VAC14: variants seen among roughly 807,000 people sequenced by gnomAD.
VAC14 encodes VAC14 component of PIKFYVE complex.
Under a neutral mutation model 85.3 loss-of-function variants are expected in VAC14, and 47 were observed. The ratio of observed to expected loss-of-function variants is 0.55; its 90% CI spans 0.44 to 0.70. The LOEUF is 0.70. Ranked by LOEUF, VAC14 falls within the 30% of genes least tolerant of loss-of-function variation. The pLI, the probability that VAC14 is intolerant of heterozygous loss-of-function variation, is 0.00. For missense variants in VAC14, 861 were observed against 1,004.3 expected (o/e 0.86, Z 1.93); for synonymous variants, 447 against 430.5 (o/e 1.04, Z -0.47).
At chr16:70,773,746 C>T (rs2033367204) in intron 9 of VAC14, among the ~76,000 whole-genome samples, 1 of 151,702 alleles carries the variant, frequency 6.6e-6, no homozygotes, top group Non-Finnish European at 1.5e-5. Context: ...ATTGTACATA[C>T]CCATAGTTCA....
At chr16:70,743,004 TA>T (rs1410357765) in intron 13 of VAC14, among the ~76,000 whole-genome samples, 1 of 151,978 alleles carries the variant, frequency 6.6e-6, no homozygotes. Flanking sequence ...TAAAGGACTG[TA>T]AATGCACCAA....
At chr16:70,690,434 G>A (rs1490793488) in intron 18 of VAC14, 1 of 985,466 alleles carries the variant, frequency 1.0e-6, no homozygotes, top group African/African-American at 1.7e-5. Context: ...GCAAGTCCAG[G>A]ACTCAGGGCC....
intron 14 of VAC14, among the ~76,000 whole-genome samples, chr16:70,700,843 C>G (rs1257705935): frequency 6.6e-6 from 1 of 152,234 alleles, no homozygotes; most frequent in African/African-American, 2.4e-5. Context: ...CTGGTGCCGT[C>G]TCCATGACAG....
chr16:70,756,209 T>C, intron 12 of VAC14: 1 of 393,356 alleles, frequency 2.5e-6, no homozygotes, highest in Non-Finnish European at 5.1e-6. Context: ...ACCCCAGCTC[T>C]GCTCTGCTCT....
In VAC14 at chr16:70,759,156, C is replaced by T. The variant is rs556801176; in HGVS notation, c.1371+3384G>A. On this transcript the variant is annotated intron_variant, in intron 12 of 18. Coordinates refer to ENST00000261776, the MANE Select transcript of VAC14 (RefSeq NM_018052.5). ...CAACACCTGAGCACACTGTCCCCTG[C>T]GAGCAGTGGCTCTCAGCGAGAGGGA... Among the ~76,000 whole-genome samples, 9 of 152,326 alleles carry T rather than the reference C, an allele frequency of 5.9e-5. 1 individual carries two copies. The East Asian group carries it at 7.7e-4, about 13-fold the overall frequency.
At chr16:70,795,035 C>G (rs535407594) in intron 1 of VAC14, among the ~76,000 whole-genome samples, 3 of 152,226 alleles carry the variant, frequency 2.0e-5, no homozygotes. Context: ...CAGTCACATG[C>G]TGTGCAGGTT....
intron 9 of VAC14, 52 bp downstream of exon 9, chr16:70,780,738 G>T: frequency 6.6e-7 from 1 of 1,524,822 alleles, no homozygotes; most frequent in Middle Eastern, 1.8e-4. Context: ...TATGACATCT[G>T]GCTCCCTGGG....
intron 9 of VAC14, among the ~76,000 whole-genome samples, chr16:70,778,055 T>C (rs1343942278): frequency 6.6e-6 from 1 of 152,188 alleles, no homozygotes; most frequent in African/African-American, 2.4e-5. Context: ...TGGGAACTAG[T>C]ACAAAGTGAG....
chr16:70,722,867 C>T lies in VAC14; in HGVS notation c.1661+8628G>A, dbSNP rs771823862. On this transcript the variant is annotated intron_variant, in intron 14 of 18. Coordinates refer to ENST00000261776, the MANE Select transcript of VAC14 (RefSeq NM_018052.5). ...GGCCAAGACAGGAGGACGGTTTGAG[C>T]CCAGGAGTTCAAGACCAGCCTGGGC... 5.3e-5 allele frequency among the ~76,000 whole-genome samples: 8 copies of T among 152,020 alleles called. No homozygotes were observed. The South Asian group carries it at 1.5e-3, about 28-fold the overall frequency.
intron 10 of VAC14, chr16:70,769,261 A>C: frequency 6.2e-6 from 1 of 160,990 alleles, no homozygotes; most frequent in Non-Finnish European, 1.4e-5. Context: ...AGGAGTCTCC[A>C]GTCTGGCCAC....
intron 14 of VAC14, among the ~76,000 whole-genome samples, chr16:70,705,720 C>T (rs1158696149): frequency 1.3e-5 from 2 of 152,204 alleles, no homozygotes; most frequent in African/African-American, 4.8e-5. Flanking sequence ...CCCCGCAACG[C>T]TGCCCTCCCC....
chr16:70,778,718 A>G (rs955159166), intron 9 of VAC14: 15 of 152,238 alleles, frequency 9.9e-5, no homozygotes, highest in African/African-American at 3.4e-4. Flanking sequence ...AGCTGTGTTA[A>G]GTTCTATGAT....
chr16:70,783,490 C>A lies in VAC14; in HGVS notation c.659G>T (p.Gly220Val), dbSNP rs377303345. 2 of 1,613,980 alleles carry A rather than the reference C, an allele frequency of 1.2e-6. No homozygotes were observed. Among genetic ancestry groups the A allele is most frequent in the African/African-American group, 2.7e-5 (2 of 74,938 alleles). Residue 220 changes from glycine (G) to valine (V), a missense_variant, in exon 6 of 19, where the codon GGA (glycine) becomes GTA (valine). Physicochemically the swap from Gly to Val is moderately radical, Grantham distance 109 (BLOSUM62 -3). This residue lies in a region of VAC14 where 629 missense variants were observed against 703.1 expected (regional missense o/e 0.89). Transcript: ENST00000261776. ...LLDYLPEILD[G>V]LFQILGDNGK... ...ATTGTCACCCAGGATCTGGAAGAGT[C>A]CATCCAGGATCTCCGGCAGGTAATC...
At chr16:70,794,985 T>C (rs1334369031) in intron 1 of VAC14, among the ~76,000 whole-genome samples, 1 of 152,246 alleles carries the variant, frequency 6.6e-6, no homozygotes, top group East Asian at 1.9e-4. Flanking sequence ...TATATTGGGG[T>C]ACACACATAC....
At chr16:70,720,534 C>T (rs960298328) in intron 14 of VAC14, among the ~76,000 whole-genome samples, 4 of 152,144 alleles carry the variant, frequency 2.6e-5, no homozygotes, top group Non-Finnish European at 1.5e-5. Context: ...GGTGGAGCTT[C>T]CAAGGCACCT....
intron 15 of VAC14, 109 bp downstream of exon 15, chr16:70,698,528 C>T (rs1022951347): frequency 6.9e-5 from 94 of 1,368,648 alleles, no homozygotes; most frequent in East Asian, 9.4e-5. Flanking sequence ...ATTTCAACCC[C>T]GTCTTCTCCC....
chr16:70,741,208 G>A lies in VAC14; in HGVS notation c.1528+3215C>T, dbSNP rs191555596. On this transcript the variant is annotated intron_variant, in intron 13 of 18. Transcript: ENST00000261776. ...AACAGGAAGAGGGTATGGCTTCACA[G>A]CCTTGTCCATGTGCATGGCCAGATG... is the stretch of plus-strand genomic sequence containing the variant. Among the ~76,000 whole-genome samples the A allele has an allele frequency of 3.0e-3, 453 of 152,390 alleles. 3 individuals are homozygous for A. Among genetic ancestry groups the A allele is most frequent in the African/African-American group, 0.011 (441 of 41,596 alleles).
intron 13 of VAC14, among the ~76,000 whole-genome samples, chr16:70,737,778 C>T (rs981613937): frequency 1.3e-5 from 2 of 152,184 alleles, no homozygotes; most frequent in African/African-American, 2.4e-5. Context: ...GTGGTTATGA[C>T]GTGAAGAAAC....
In VAC14 at chr16:70,734,364, C is replaced by T. The variant is rs531156826; in HGVS notation, c.1529-2737G>A. On this transcript the variant is annotated intron_variant, in intron 13 of 18. Transcript: ENST00000261776. ...CCCAGGCTAGTCTCAAACTCCTGGG[C>T]CCAAGGGACCCTTCTGCCTTGGCCT... is the stretch of plus-strand genomic sequence containing the variant. Among the ~76,000 whole-genome samples, 32 of 150,860 alleles carry T rather than the reference C, an allele frequency of 2.1e-4. No homozygotes were observed. In the South Asian group the frequency reaches 3.4e-3, roughly 16 times the overall value.
Sources: allele counts gnomAD v4.1 joint callset (sites outside exome capture counted in the v4.1 genomes callset), GRCh38; gene constraint gnomAD v4.1.1; regional missense constraint gnomAD v4.1.1; transcripts MANE v1.5; gene names NCBI Gene and HGNC (gene_info 2026-07-23, HGNC 2026-07-21).